PPP2R3A: variants seen among roughly 807,000 people sequenced by gnomAD.
PPP2R3A encodes protein phosphatase 2 regulatory subunit B''alpha.
In PPP2R3A, 80 loss-of-function variants were observed where a neutral mutation model predicts 106.9. That is an observed-to-expected ratio of 0.75 (90% CI 0.62 to 0.90). PPP2R3A has a LOEUF of 0.90. Ranked by LOEUF, PPP2R3A falls within the 40% of genes least tolerant of loss-of-function variation. The pLI is 0.00. For synonymous variants in PPP2R3A, 483 were observed against 468.3 expected (o/e 1.03, Z -0.41); for missense variants, 1,386 against 1,350.4 (o/e 1.03, Z -0.41).
intron 13 of PPP2R3A, among the ~76,000 whole-genome samples, chr3:136,142,377 G>T (rs1259963403): frequency 2.6e-5 from 4 of 152,094 alleles, no homozygotes; most frequent in African/African-American, 9.7e-5. Context: ...GGCGGCGGGG[G>T]ACAAAATCAC....
At chr3:136,133,508 A>G (rs919466598) in intron 13 of PPP2R3A, among the ~76,000 whole-genome samples, 6 of 152,176 alleles carry the variant, frequency 3.9e-5, no homozygotes, top group Admixed American at 2.0e-4. Flanking sequence ...AAACTCTCAT[A>G]CATTGGGCTG....
rs1028042348 is a variant in PPP2R3A at position 136,109,826 on chromosome 3, T to C, written c.3329+3504T>C. ...AGAAGGAAAGCAGATGGGATCAAAATGAAGGAGCCAGCAGCTTAGATTCTT... is the reference window on the plus strand; with the variant it reads ...AGAAGGAAAGCAGATGGGATCAAAACGAAGGAGCCAGCAGCTTAGATTCTT... On this transcript the variant is annotated intron_variant, in intron 13 of 13. Coordinates refer to ENST00000264977, the MANE Select transcript of PPP2R3A (RefSeq NM_002718.5). 4.6e-5 allele frequency among the ~76,000 whole-genome samples: 7 copies of C among 152,228 alleles called. 1 individual carries two copies. The South Asian group carries it at 8.3e-4, about 18-fold the overall frequency.
intron 1 of PPP2R3A, among the ~76,000 whole-genome samples, chr3:135,975,653 A>G (rs1165773569): frequency 6.6e-6 from 1 of 152,170 alleles, no homozygotes; most frequent in Admixed American, 6.5e-5. Flanking sequence ...GGTTGTTTCC[A>G]ATTTTTCCGT....
At chr3:136,020,715 A>G (rs1934435976) in intron 2 of PPP2R3A, among the ~76,000 whole-genome samples, 1 of 152,134 alleles carries the variant, frequency 6.6e-6, no homozygotes, top group Non-Finnish European at 1.5e-5. Flanking sequence ...GACTCTTAGT[A>G]AACACACAAC....
chr3:136,056,481 TAAA>T (rs58363811), intron 5 of PPP2R3A, among the ~76,000 whole-genome samples: 19 of 149,370 alleles, frequency 1.3e-4, no homozygotes, highest in African/African-American at 3.6e-4. Context: ...AAAACTATTC[TAAA>T]AAAAAAAAAC....
At chr3:136,032,603 C>A (rs1486226079) in intron 3 of PPP2R3A, among the ~76,000 whole-genome samples, 1 of 151,770 alleles carries the variant, frequency 6.6e-6, no homozygotes, top group African/African-American at 2.4e-5. Context: ...TCTCAGCTCA[C>A]TGCAGACTGC....
intron 13 of PPP2R3A, among the ~76,000 whole-genome samples, chr3:136,139,163 C>T (rs898337400): frequency 2.0e-5 from 3 of 152,166 alleles, no homozygotes; most frequent in African/African-American, 7.2e-5. Context: ...AGACAACACC[C>T]TGAAACTGCA....
At position 136,103,286 on chromosome 3, in the gene PPP2R3A, G is replaced by T; in HGVS notation, c.3132G>T (p.Arg1044Ser). The change falls in exon 12 of 14, where the codon AGG becomes AGT. Residue 1044 changes from arginine to serine, a missense_variant. Transcript: ENST00000264977. The part of the protein sequence containing the change: ...DGKITLRDLK[R>S]CRMAHIFYDT... Reference sequence around the variant, plus strand: ...AAATAACTCTAAGAGATCTGAAGAGGTGCAGAATGGCTCACATCTTCTATG... The same window carrying T: ...AAATAACTCTAAGAGATCTGAAGAGTTGCAGAATGGCTCACATCTTCTATG... The T allele has an allele frequency of 2.5e-6, 4 of 1,608,014 alleles. No individual in the cohort carries two copies. Among genetic ancestry groups the T allele is most frequent in the Non-Finnish European group, 3.4e-6 (4 of 1,174,942 alleles).
chr3:136,003,273 T>C lies in PPP2R3A; in HGVS notation c.1775T>C (p.Leu592Pro), dbSNP rs1236185706. 1 of 1,613,830 alleles carries C rather than the reference T, an allele frequency of 6.2e-7. No homozygotes were observed. Among genetic ancestry groups the C allele is most frequent in the Non-Finnish European group, 8.5e-7 (1 of 1,179,936 alleles). ...GAGGAAGAGGATCGAGCCCTCTTAC[T>C]GCGAATCCTGGAAAGCATTGAAGAC... ...KIEEEDRALL[L>P]RILESIEDFA... Residue 592 changes from leucine to proline, a missense_variant, in exon 2 of 14, where the codon CTG (leucine) becomes CCG (proline). Transcript: ENST00000264977.
chr3:136,090,787 A>G (rs1218727454), intron 10 of PPP2R3A, 120 bp downstream of exon 10: 12 of 713,526 alleles, frequency 1.7e-5, no homozygotes, highest in Non-Finnish European at 2.6e-5. Context: ...GATGAATTAG[A>G]CTTAGTTTCT....
At chr3:136,140,748 CAAAAA>C (rs996175388) in intron 13 of PPP2R3A, among the ~76,000 whole-genome samples, 1 of 81,570 alleles carries the variant, frequency 1.2e-5, no homozygotes, top group Admixed American at 1.3e-4. Flanking sequence ...AACTCAGTCT[CAAAAA>C]AAAAAAAAAA....
At chr3:136,012,209 GA>G (rs1391157495) in intron 2 of PPP2R3A, among the ~76,000 whole-genome samples, 1 of 151,994 alleles carries the variant, frequency 6.6e-6, no homozygotes, top group Non-Finnish European at 1.5e-5. Context: ...AGAGAGGGAA[GA>G]AAAAAAGCAG....
At chr3:135,968,656 A>C (rs368941241) in intron 1 of PPP2R3A, among the ~76,000 whole-genome samples, 2 of 77,196 alleles carry the variant, frequency 2.6e-5, no homozygotes, top group Middle Eastern at 6.2e-3. Context: ...TCCTCCAAGC[A>C]AATCAGAGCA....
chr3:136,108,886 G>C (rs1283385842), intron 13 of PPP2R3A, among the ~76,000 whole-genome samples: 1 of 152,146 alleles, frequency 6.6e-6, no homozygotes, highest in Non-Finnish European at 1.5e-5. Context: ...CAAGCATAAA[G>C]ATGCTGATAG....
intron 2 of PPP2R3A, among the ~76,000 whole-genome samples, chr3:136,008,564 G>C (rs1408237391): frequency 6.6e-6 from 1 of 152,114 alleles, no homozygotes; most frequent in East Asian, 1.9e-4. Flanking sequence ...ACAAGAGCCT[G>C]GTAGATATAT....
chr3:136,142,561 T>G (rs1938920213), intron 13 of PPP2R3A, among the ~76,000 whole-genome samples: 1 of 152,166 alleles, frequency 6.6e-6, no homozygotes, highest in South Asian at 2.1e-4. Flanking sequence ...AAAATCACAT[T>G]AAGTGATCAA....
intron 1 of PPP2R3A, among the ~76,000 whole-genome samples, chr3:135,982,341 G>A (rs975293381): frequency 2.9e-4 from 44 of 152,084 alleles, no homozygotes; most frequent in African/African-American, 1.1e-3. Context: ...CTCTTGTTGG[G>A]CCTCATCTGC....
intron 1 of PPP2R3A, among the ~76,000 whole-genome samples, 183 bp from the exon 2 acceptor site, chr3:136,000,876 T>A (rs1933598477): frequency 6.6e-6 from 1 of 152,124 alleles, no homozygotes. Context: ...GTTGAGGTAA[T>A]ATTACTCTAG....
At chr3:136,074,645 G>A (rs1367056061) in intron 6 of PPP2R3A, among the ~76,000 whole-genome samples, 1 of 152,214 alleles carries the variant, frequency 6.6e-6, no homozygotes, top group Non-Finnish European at 1.5e-5. Context: ...CACTGGTGCT[G>A]GCAGTAGAGA....
Sources: allele counts gnomAD v4.1 joint callset (sites outside exome capture counted in the v4.1 genomes callset), GRCh38; gene constraint gnomAD v4.1.1; transcripts MANE v1.5; gene names NCBI Gene and HGNC (gene_info 2026-07-23, HGNC 2026-07-21).